MYT1L: variants seen among roughly 807,000 people sequenced by gnomAD.
The protein encoded by MYT1L is myelin transcription factor 1-like protein.
MYT1L carries 12 observed loss-of-function variants against 126.7 expected under a neutral mutation model. The observed-to-expected ratio is 0.09, with a 90% confidence interval of 0.06 to 0.15. The LOEUF (loss-of-function observed/expected upper bound fraction) is 0.15, where lower values mean the gene tolerates loss of function less well. MYT1L is among the 10% of genes least tolerant of loss of function. The pLI is 1.00. For missense variants in MYT1L, 979 were observed against 1,585.2 expected (o/e 0.62, Z 6.49); for synonymous variants, 541 against 604.2 (o/e 0.90, Z 1.53).
At chr2:1,907,112 T>C (rs1469021101) in intron 13 of MYT1L, among the ~76,000 whole-genome samples, 1 of 148,346 alleles carries the variant, frequency 6.7e-6, no homozygotes, top group Non-Finnish European at 1.5e-5. Context: ...ACCCTGTCTC[T>C]AAAAATTTTT....
chr2:2,207,105 T>C (rs1444737975), intron 2 of MYT1L, among the ~76,000 whole-genome samples: 1 of 152,242 alleles, frequency 6.6e-6, no homozygotes, highest in Non-Finnish European at 1.5e-5. Flanking sequence ...GATAATGTAT[T>C]GATCAGTTGT....
At chr2:1,860,050 C>G (rs1343828922) in intron 18 of MYT1L, among the ~76,000 whole-genome samples, 1 of 152,240 alleles carries the variant, frequency 6.6e-6, no homozygotes, top group African/African-American at 2.4e-5. Flanking sequence ...TTCACTTATC[C>G]CTCTGTGTTG....
intron 2 of MYT1L, among the ~76,000 whole-genome samples, chr2:2,201,974 A>G (rs2148829992): frequency 6.6e-6 from 1 of 152,298 alleles, no homozygotes; most frequent in Middle Eastern, 3.4e-3. Flanking sequence ...AACTCACTCA[A>G]AACCACTCAA....
chr2:2,302,067 T>C (rs2095794769), intron 1 of MYT1L, among the ~76,000 whole-genome samples: 2 of 152,288 alleles, frequency 1.3e-5, no homozygotes, highest in South Asian at 2.1e-4. Context: ...ATATCCACAA[T>C]GGGCTAATAT....
chr2:2,275,284 T>C (rs2095339841), intron 2 of MYT1L, among the ~76,000 whole-genome samples: 1 of 150,488 alleles, frequency 6.6e-6, no homozygotes, highest in Admixed American at 6.6e-5. Flanking sequence ...ACAAACTGCA[T>C]GTGAGACTAT....
At chr2:1,866,443 GGA>G (rs538164490) in intron 18 of MYT1L, among the ~76,000 whole-genome samples, 11 of 145,900 alleles carry the variant, frequency 7.5e-5, no homozygotes, top group Admixed American at 1.4e-4. Context: ...AGAGAGAGTG[GGA>G]GAGAGAGAGA....
At chr2:2,206,209 C>G (rs1280023008) in intron 2 of MYT1L, among the ~76,000 whole-genome samples, 3 of 152,134 alleles carry the variant, frequency 2.0e-5, no homozygotes, top group Admixed American at 1.3e-4. Flanking sequence ...AACTCCCGAT[C>G]TCAGATGATC....
At chr2:1,959,175 C>T (rs1283218066) in intron 8 of MYT1L, among the ~76,000 whole-genome samples, 1 of 152,190 alleles carries the variant, frequency 6.6e-6, no homozygotes, top group Non-Finnish European at 1.5e-5. Flanking sequence ...CACGAGAAGG[C>T]TGGACACAAT....
At chr2:2,286,560 T>C (rs2095523729) in intron 1 of MYT1L, among the ~76,000 whole-genome samples, 1 of 152,212 alleles carries the variant, frequency 6.6e-6, no homozygotes, top group Non-Finnish European at 1.5e-5. Flanking sequence ...ATGTCTGGTC[T>C]TCGGATTTTA....
chr2:2,028,729 T>G (rs1242367590), intron 4 of MYT1L, among the ~76,000 whole-genome samples: 1 of 152,178 alleles, frequency 6.6e-6, no homozygotes, highest in African/African-American at 2.4e-5. Context: ...TTTCATTGAT[T>G]CAATAGACTT....
intron 3 of MYT1L, among the ~76,000 whole-genome samples, chr2:2,165,310 GCACACATA>G (rs201831642): frequency 0.012 from 1,882 of 151,594 alleles, 41 homozygotes; most frequent in African/African-American, 0.043. Context: ...ACACACACGT[GCACACATA>G]CACACATACA....
intron 3 of MYT1L, among the ~76,000 whole-genome samples, chr2:2,112,493 A>G (rs1242916871): frequency 6.6e-6 from 1 of 152,212 alleles, no homozygotes; most frequent in Non-Finnish European, 1.5e-5. Context: ...CAAAGAGCTC[A>G]TGCACACGAT....
intron 1 of MYT1L, chr2:2,303,368 C>T (rs2095813803): frequency 6.6e-6 from 1 of 152,306 alleles, no homozygotes; most frequent in African/African-American, 2.4e-5. Context: ...TCCTTTATAC[C>T]CCAAGGGCAC....
intron 8 of MYT1L, among the ~76,000 whole-genome samples, chr2:1,977,888 TTAAG>T (rs1231332290): frequency 3.9e-5 from 6 of 152,194 alleles, no homozygotes; most frequent in South Asian, 2.1e-4. Flanking sequence ...AAATAATACT[TTAAG>T]TAAACTACTT....
chr2:2,224,831 A>C lies in MYT1L; in HGVS notation c.-420-51843T>G, dbSNP rs1486163200. ...AAGACTCCGTCTCAAAAGAAAAAAA[A>C]AAAAAGGAAAATAAATGTTTCAAAT... is the stretch of plus-strand genomic sequence containing the variant. On this transcript the variant is annotated intron_variant, in intron 2 of 24. Transcript: ENST00000647738. This position sits in a 1 kb window ranked among gnomAD's most constrained non-coding sequence, Gnocchi z 4.0. Among the ~76,000 whole-genome samples, 1 of 152,042 alleles carries C rather than the reference A, an allele frequency of 6.6e-6. No homozygotes were observed. Among genetic ancestry groups the C allele is most frequent in the Admixed American group, 6.5e-5 (1 of 15,268 alleles).
Position 1,904,785 on chromosome 2 carries a change from C to T in MYT1L, c.1818-1491G>A, listed in dbSNP as rs558460011. Among the ~76,000 whole-genome samples, 361 of 147,798 alleles carry T rather than the reference C, an allele frequency of 2.4e-3. 1 individual carries two copies. The highest frequency in any genetic ancestry group is 9.0e-3 in the African/African-American group (345 of 38,314). ...CAGCTGGGATTACATCACGAACCAC[C>T]ACGCCTGGCTAATTTTTTTTTTTTT... On this transcript the variant is annotated intron_variant, in intron 13 of 24. Transcript: ENST00000647738.
At chr2:2,256,763 G>T (rs1037521335) in intron 2 of MYT1L, among the ~76,000 whole-genome samples, 10 of 152,138 alleles carry the variant, frequency 6.6e-5, no homozygotes, top group African/African-American at 2.2e-4. Flanking sequence ...AACATCCAAA[G>T]CCGTCATAAG....
intron 11 of MYT1L, among the ~76,000 whole-genome samples, chr2:1,915,894 A>AG (rs370817276): frequency 2.1e-4 from 32 of 152,200 alleles, no homozygotes; most frequent in Admixed American, 5.9e-4. Flanking sequence ...TCCGAATGAA[A>AG]GGGGGGGTGT....
At chr2:1,815,172 T>C (rs1287267411) in intron 21 of MYT1L, among the ~76,000 whole-genome samples, 1 of 152,174 alleles carries the variant, frequency 6.6e-6, no homozygotes, top group African/African-American at 2.4e-5. Flanking sequence ...ATCAGCTCAG[T>C]GAGCTCCGGC....
Sources: gnomAD v4.1 joint callset for allele counts (sites outside exome capture counted in the v4.1 genomes callset) on GRCh38, gnomAD v4.1.1 for gene constraint, Gnocchi (gnomAD v3.1) non-coding constraint, MANE v1.5 for transcripts, NCBI Gene and HGNC (gene_info 2026-07-23, HGNC 2026-07-21) for gene names.